The following CREG1 variants were observed in gnomAD, a reference collection of about 807,000 sequenced individuals.
CREG1 encodes the protein protein CREG1.
Under a neutral mutation model 19.9 loss-of-function variants are expected in CREG1, and 20 were observed. The observed-to-expected ratio is 1.01, with a 90% CI of 0.71 to 1.46. The LOEUF (loss-of-function observed/expected upper bound fraction) is 1.46. CREG1 is among the 40% of genes most tolerant of loss of function. The pLI is 0.00. For missense variants in CREG1, 290 were observed against 314.9 expected (o/e 0.92, Z 0.60); for synonymous variants, 141 against 143.3 (o/e 0.98, Z 0.12).
intron 1 of CREG1, among the ~76,000 whole-genome samples, chr1:167,550,783 A>C (rs1034338430): frequency 1.3e-5 from 2 of 152,192 alleles, no homozygotes; most frequent in Non-Finnish European, 2.9e-5. Context: ...AAATGGACAC[A>C]CATCTGGAAG....
chr1:167,552,903 C>T (rs1226017410), intron 1 of CREG1, among the ~76,000 whole-genome samples: 3 of 151,882 alleles, frequency 2.0e-5, no homozygotes, highest in Admixed American at 6.6e-5. Flanking sequence ...AAAAATTAGC[C>T]GGGTGTGGTG....
intron 1 of CREG1, among the ~76,000 whole-genome samples, 198 bp from the exon 2 acceptor site, chr1:167,548,319 G>A (rs1222331047): frequency 1.3e-5 from 2 of 152,204 alleles, no homozygotes; most frequent in Non-Finnish European, 2.9e-5. Context: ...GGGTGCGGGG[G>A]TTCATATTTA....
intron 1 of CREG1, among the ~76,000 whole-genome samples, chr1:167,549,521 A>G (rs1455966280): frequency 6.6e-6 from 1 of 151,852 alleles, no homozygotes; most frequent in African/African-American, 2.4e-5. Context: ...AGTAGCTGGG[A>G]TTACTGGTGT....
intron 3 of CREG1, among the ~76,000 whole-genome samples, chr1:167,545,400 G>C (rs1656299833): frequency 6.6e-6 from 1 of 152,054 alleles, no homozygotes; most frequent in African/African-American, 2.4e-5. Flanking sequence ...AATGAATGTA[G>C]GGAATAAACC....
At chr1:167,547,034 T>C (rs2102150556) in intron 2 of CREG1, among the ~76,000 whole-genome samples, 3 of 152,356 alleles carry the variant, frequency 2.0e-5, no homozygotes, top group African/African-American at 7.2e-5. Context: ...CTCCTCCATC[T>C]TTTTCCTGCC....
chr1:167,553,320 G>T, intron 1 of CREG1, 68 bp downstream of exon 1: 1 of 1,168,594 alleles, frequency 8.6e-7, no homozygotes, highest in Non-Finnish European at 1.1e-6. Flanking sequence ...ATTCTGGGGA[G>T]AGTGAAGGCT....
intron 1 of CREG1, among the ~76,000 whole-genome samples, chr1:167,549,426 C>T (rs1459434862): frequency 6.6e-6 from 1 of 151,868 alleles, no homozygotes; most frequent in South Asian, 2.1e-4. Context: ...GCTCTGTCAC[C>T]CAGGCTGGAG....
At chr1:167,547,944 C>A (rs1656356874) in intron 2 of CREG1, 58 bp downstream of exon 2, 1 of 1,553,886 alleles carries the variant, frequency 6.4e-7, no homozygotes, top group Non-Finnish European at 8.8e-7. Context: ...TCTATTCTTT[C>A]ATTGTGAATA....
At chr1:167,544,317 TA>T (rs369148961) in intron 3 of CREG1, among the ~76,000 whole-genome samples, 2 of 151,168 alleles carry the variant, frequency 1.3e-5, no homozygotes, top group East Asian at 1.9e-4. Flanking sequence ...TGCTTGGAAT[TA>T]AAAAAAATTA....
chr1:167,544,008 T>C (rs890486630), intron 3 of CREG1, among the ~76,000 whole-genome samples: 2 of 152,258 alleles, frequency 1.3e-5, no homozygotes, highest in Non-Finnish European at 2.9e-5. Flanking sequence ...TTAGAGATTA[T>C]GTCCTGTGAA....
In CREG1 at chr1:167,546,266, T is replaced by G. The variant is rs1656322092; in HGVS notation, c.494A>C (p.Asp165Ala). The G allele has an allele frequency of 6.2e-7, 1 of 1,601,786 alleles. No homozygotes were observed. Among genetic ancestry groups the G allele is most frequent in the Non-Finnish European group, 8.5e-7 (1 of 1,174,314 alleles). ...TVTKVNETEM[D>A]IAKHSLFIRH... Reference sequence around the variant, plus strand: ...AATGAATAACGAATGCTTTGCAATATCCATTTCTGTTTCATTCACCTAAAG... The same window carrying G: ...AATGAATAACGAATGCTTTGCAATAGCCATTTCTGTTTCATTCACCTAAAG... The change falls in exon 3 of 4, where the codon GAT becomes GCT. Residue 165 changes from aspartate to alanine, a missense_variant. Coordinates refer to ENST00000370509, the MANE Select transcript of CREG1 (RefSeq NM_003851.3).
intron 1 of CREG1, 133 bp from the exon 2 acceptor site, chr1:167,548,254 C>T (rs1656363526): frequency 3.3e-6 from 2 of 612,432 alleles, no homozygotes; most frequent in African/African-American, 1.8e-5. Context: ...TAAAACATCA[C>T]CTTCCACTCA....
At chr1:167,545,895 C>T (rs10918711) in intron 3 of CREG1, among the ~76,000 whole-genome samples, 45,195 of 151,936 alleles carry the variant, frequency 0.3, 6,864 homozygotes, top group Middle Eastern at 0.38. Flanking sequence ...CAAATATTTT[C>T]ATAAATGTAT....
Position 167,548,084 on chromosome 1 carries a change from T to A in CREG1, c.392A>T (p.Gln131Leu), listed in dbSNP as rs150526402. 3.1e-6 allele frequency: 5 copies of A among 1,613,314 alleles called. No individual in the cohort carries two copies. The African/African-American group carries it at 6.7e-5, about 22-fold the overall frequency. The part of the protein sequence containing the change: ...PYATLTMTLA[Q>L]TNFCKKHGFD... Reference sequence around the variant, plus strand: ...TCCATGTTTCTTGCAGAAGTTGGTCTGTGCCAAAGTCATGGTCAGTGTAGC... The same window carrying A: ...TCCATGTTTCTTGCAGAAGTTGGTCAGTGCCAAAGTCATGGTCAGTGTAGC... Residue 131 changes from glutamine (Q) to leucine (L), a missense_variant, in exon 2 of 4, where the codon CAG (glutamine) becomes CTG (leucine). Coordinates refer to ENST00000370509, the MANE Select transcript of CREG1 (RefSeq NM_003851.3).
At chr1:167,547,966 T>G (rs770999869) in intron 2 of CREG1, 36 bp downstream of exon 2, 2 of 1,592,412 alleles carry the variant, frequency 1.3e-6, no homozygotes, top group South Asian at 2.2e-5. Flanking sequence ...GATGGTGTTC[T>G]GAAACCATCT....
chr1:167,551,610 A>G (rs1656423702), intron 1 of CREG1, among the ~76,000 whole-genome samples: 1 of 152,140 alleles, frequency 6.6e-6, no homozygotes, highest in South Asian at 2.1e-4. Flanking sequence ...TCACCTCACA[A>G]ATTTAAATAT....
chr1:167,553,413 A>T lies in CREG1; in HGVS notation c.329T>A (p.Leu110Gln), dbSNP rs1394836437. The T allele has an allele frequency of 5.5e-6, 8 of 1,453,206 alleles. No homozygotes were observed. The East Asian group carries it at 2.1e-4, about 38-fold the overall frequency. The allele number at this position is 1,453,206 out of a possible 1,614,324, so 90.0% of individuals were successfully genotyped here. ...SGVPYFYLSP[L>Q]QLSVSNLQEN... ...CTGCAGGTTGCTCACGGAGAGCTGC[A>T]GCGGGCTCAGGTAGAAATAGGGCAC... Residue 110 changes from leucine to glutamine, a missense_variant, in exon 1 of 4, where the codon CTG becomes CAG. Coordinates refer to ENST00000370509, the MANE Select transcript of CREG1 (RefSeq NM_003851.3).
chr1:167,553,534 C>T lies in CREG1; in HGVS notation c.208G>A (p.Ala70Thr). The part of the protein sequence containing the change: ...RFVTHVSDWG[A>T]LATISTLEAV... ...TCCAGCGTGGAGATGGTGGCCAGAG[C>T]GCCCCAGTCGGAGACGTGCGTCACG... Residue 70 changes from alanine to threonine, a missense_variant, in exon 1 of 4, where the codon GCT becomes ACT. Physicochemically the swap from Ala to Thr is moderately conservative, Grantham distance 58. Transcript: ENST00000370509. 1.4e-6 allele frequency: 2 copies of T among 1,480,906 alleles called. No individual in the cohort carries two copies. Among genetic ancestry groups the T allele is most frequent in the East Asian group, 3.0e-5 (1 of 33,818 alleles). 91.7% of individuals were successfully genotyped at this position (1,480,906 alleles called of 1,614,324 possible).
At chr1:167,548,993 A>AT (rs2102151616) in intron 1 of CREG1, among the ~76,000 whole-genome samples, 1 of 152,358 alleles carries the variant, frequency 6.6e-6, no homozygotes, top group African/African-American at 2.4e-5. Context: ...AAAGGCAGAC[A>AT]TAAACAAATG....
Sources: allele counts gnomAD v4.1 joint callset (sites outside exome capture counted in the v4.1 genomes callset), GRCh38; gene constraint gnomAD v4.1.1; transcripts MANE v1.5; gene names NCBI Gene and HGNC (gene_info 2026-07-23, HGNC 2026-07-21).